Variants in ANKFY1 observed in about 807,000 individuals in gnomAD.
ANKFY1 encodes the protein ankyrin repeat and FYVE domain-containing protein 1.
ANKFY1 carries 47 observed loss-of-function variants against 128.3 expected under a neutral mutation model. The observed-to-expected ratio is 0.37, with a 90% CI of 0.29 to 0.47. The LOEUF (loss-of-function observed/expected upper bound fraction) is 0.47, where lower values mean the gene tolerates loss of function less well. Ranked by LOEUF, ANKFY1 falls within the 20% of genes least tolerant of loss-of-function variation. The pLI is 1.00. For synonymous variants in ANKFY1, 553 were observed against 601.6 expected, an observed-to-expected ratio of 0.92 and a Z score of 1.18; for missense variants, 1,222 against 1,510.6, an observed-to-expected ratio of 0.81 and a Z score of 3.17.
chr17:4,199,548 G>A (rs954699628), intron 7 of ANKFY1, among the ~76,000 whole-genome samples: 2 of 152,070 alleles, frequency 1.3e-5, no homozygotes, highest in Non-Finnish European at 2.9e-5. Context: ...ATGCTCTGTA[G>A]GAGTGAAAAA....
intron 5 of ANKFY1, 147 bp downstream of exon 5, chr17:4,209,677 A>T: frequency 1.1e-6 from 1 of 911,928 alleles, no homozygotes. Context: ...AGTCTCATAG[A>T]TCATCTAATC....
chr17:4,206,108 C>G (rs951085006), intron 7 of ANKFY1, among the ~76,000 whole-genome samples: 1 of 152,156 alleles, frequency 6.6e-6, no homozygotes, highest in African/African-American at 2.4e-5. Context: ...TTTCTGGGGC[C>G]CTGTTGGCAC....
rs187255841 is a variant in ANKFY1, at chr17:4,240,328, G to A, written c.203+1928C>T. Among the ~76,000 whole-genome samples the A allele has an allele frequency of 3.0e-4, 45 of 151,312 alleles. 1 individual carries two copies. In the South Asian group the frequency reaches 4.6e-3, roughly 15 times the overall value. On this transcript the variant is annotated intron_variant, in intron 2 of 24. Transcript: ENST00000341657. ...TGACCCGCCCGCCTTGGCCTCCTAA[G>A]TGCTGGGATTACAGGCGTAAGCCAC...
intron 16 of ANKFY1, among the ~76,000 whole-genome samples, chr17:4,180,851 C>T (rs905704101): frequency 2.6e-5 from 4 of 151,938 alleles, no homozygotes; most frequent in South Asian, 2.1e-4. Context: ...TGAATAACCT[C>T]GGCTCCCACA....
chr17:4,252,070 T>C (rs188310465), intron 1 of ANKFY1, among the ~76,000 whole-genome samples: 2 of 147,774 alleles, frequency 1.4e-5, no homozygotes, highest in African/African-American at 5.0e-5. Flanking sequence ...ATACAGATTA[T>C]ATTAAGAACT....
Position 4,181,296 on chromosome 17 carries a change from A to G in ANKFY1, c.2198T>C (p.Ile733Thr), listed in dbSNP as rs1371260565. 6.2e-7 allele frequency: 1 copy of G among 1,614,138 alleles called. No homozygotes were observed. Residue 733 changes from isoleucine (I) to threonine (T), a missense_variant, in exon 16 of 25, where the codon ATT becomes ACT. Coordinates refer to ENST00000341657, the MANE Select transcript of ANKFY1 (RefSeq NM_001330063.2). The surrounding 1 kb of genome is among the most constrained non-coding windows in gnomAD (Gnocchi z 4.9). ...GGCGGTGGGCTCGTTGTTTTCATCA[A>G]TGGCTCTGTGCAGGAGCGTCTGAAG... ...GCLQTLLHRAIDENNEPTACF... is the reference protein window; with the variant it reads ...GCLQTLLHRATDENNEPTACF...
At position 4,167,995 on chromosome 17, in the gene ANKFY1, C is replaced by G; in HGVS notation, c.3378-84G>C. 6.7e-7 allele frequency: 1 copy of G among 1,482,512 alleles called. No homozygotes were observed. The highest frequency in any genetic ancestry group is 9.1e-7 in the Non-Finnish European group (1 of 1,102,246). The allele number at this position is 1,482,512 out of a possible 1,614,324, so 91.8% of individuals were successfully genotyped here. On this transcript the variant is annotated intron_variant, in intron 24 of 24. Coordinates refer to ENST00000341657, the MANE Select transcript of ANKFY1 (RefSeq NM_001330063.2). The surrounding 1 kb of genome is among the most constrained non-coding windows in gnomAD (Gnocchi z 4.1). ...GCACGTGAGGACAACCGCAGCAGGG[C>G]CTGGCAGCCAAGGCGCCCGCAATGC...
At chr17:4,176,058 T>C (rs542749770) in intron 19 of ANKFY1, among the ~76,000 whole-genome samples, 1 of 152,310 alleles carries the variant, frequency 6.6e-6, no homozygotes, top group South Asian at 2.1e-4. Flanking sequence ...CCTCCTTGGC[T>C]GCTTCCCCCA....
rs542355065 is a variant in ANKFY1, at chr17:4,238,244, T to C, written c.204-2354A>G. Among the ~76,000 whole-genome samples, 177 of 151,218 alleles carry C rather than the reference T, an allele frequency of 1.2e-3. 2 individuals carry two copies. Among genetic ancestry groups the C allele is most frequent in the East Asian group, 4.3e-3 (22 of 5,120 alleles). On this transcript the variant is annotated intron_variant, in intron 2 of 24. Transcript: ENST00000341657. ...AAACCTACACATCAGTCATTCCGGCTACTAAGATGTACATAAAAATACTAT... is the reference window on the plus strand; with the variant it reads ...AAACCTACACATCAGTCATTCCGGCCACTAAGATGTACATAAAAATACTAT...
intron 19 of ANKFY1, among the ~76,000 whole-genome samples, chr17:4,176,417 T>TGAG (rs1301093107): frequency 6.6e-6 from 1 of 152,184 alleles, no homozygotes; most frequent in Non-Finnish European, 1.5e-5. Flanking sequence ...CTCTGGACCT[T>TGAG]GTTCTCTCAG....
rs191750187 is a variant in ANKFY1 at position 4,222,362 on chromosome 17, C to T, written c.323-5244G>A. The T allele has an allele frequency of 3.9e-6, 3 of 776,554 alleles. No homozygotes were observed. The Admixed American group carries it at 5.1e-5, about 13-fold the overall frequency. The allele number at this position is 776,554 out of a possible 1,614,324, so 48.1% of individuals were successfully genotyped here. A position where few individuals can be genotyped will look rare whatever the true frequency, so the allele number is the denominator to read the frequency against. ...ACAAATGACCTTATTATTCACTACG[C>T]TCTGTCCTTTAATCTGTTAGTACCC... On this transcript the variant is annotated intron_variant, in intron 3 of 24. Coordinates refer to ENST00000341657, the MANE Select transcript of ANKFY1 (RefSeq NM_001330063.2).
At chr17:4,224,502 A>G (rs1260069735) in intron 3 of ANKFY1, among the ~76,000 whole-genome samples, 5 of 152,108 alleles carry the variant, frequency 3.3e-5, no homozygotes, top group Non-Finnish European at 7.4e-5. Context: ...TCAAGATGCA[A>G]TACTTTTCTT....
rs911659530 is a variant in ANKFY1 at position 4,228,188 on chromosome 17, T to C, written c.322+7584A>G. ...TGAATAATTAAAACACAAAGCAACA[T>C]ACTAAGGTGTGGGGTGAATGTCAAA... On this transcript the variant is annotated intron_variant, in intron 3 of 24. Transcript: ENST00000341657. 2.6e-5 allele frequency among the ~76,000 whole-genome samples: 4 copies of C among 152,216 alleles called. No homozygotes were observed. The East Asian group carries it at 7.7e-4, about 29-fold the overall frequency.
intron 3 of ANKFY1, chr17:4,223,805 T>C (rs2060370907): frequency 2.7e-6 from 4 of 1,472,776 alleles, no homozygotes; most frequent in South Asian, 1.2e-5. Context: ...CACAGTTTCA[T>C]GCAGGCCTGG....
rs184536722 is a variant in ANKFY1 at position 4,236,055 on chromosome 17, T to A, written c.204-165A>T. Among the ~76,000 whole-genome samples, 19 of 152,336 alleles carry A rather than the reference T, an allele frequency of 1.2e-4. No individual in the cohort carries two copies. In the East Asian group the frequency reaches 3.7e-3, roughly 29 times the overall value. On this transcript the variant is annotated intron_variant, in intron 2 of 24. Transcript: ENST00000341657. ...TATGCTAGCACTGAATTCTGGTGAG[T>A]CATCTTTATAGTATGTTGCTAGAAA...
At chr17:4,198,128 T>TCA (rs759518789) in intron 7 of ANKFY1, among the ~76,000 whole-genome samples, 2 of 136,788 alleles carry the variant, frequency 1.5e-5, no homozygotes. Flanking sequence ...AAACTCCGTC[T>TCA]TAAAAAAAAA....
At chr17:4,205,559 G>A (rs1567942074) in intron 7 of ANKFY1, among the ~76,000 whole-genome samples, 1 of 152,056 alleles carries the variant, frequency 6.6e-6, no homozygotes, top group African/African-American at 2.4e-5. Flanking sequence ...TGGCTAACAC[G>A]GTGACACCCC....
chr17:4,221,270 G>A (rs530379394), intron 3 of ANKFY1, among the ~76,000 whole-genome samples: 6 of 152,046 alleles, frequency 3.9e-5, no homozygotes, highest in Non-Finnish European at 7.4e-5. Context: ...GGAGTACAAT[G>A]GTGCAATCAC....
chr17:4,247,845 T>C (rs751382366), intron 1 of ANKFY1, among the ~76,000 whole-genome samples: 9 of 152,198 alleles, frequency 5.9e-5, no homozygotes, highest in African/African-American at 1.9e-4. Flanking sequence ...TGCAAGGATG[T>C]TGTAAACACT....
Sources: allele counts gnomAD v4.1 joint callset (sites outside exome capture counted in the v4.1 genomes callset), GRCh38; gene constraint gnomAD v4.1.1; non-coding constraint Gnocchi (gnomAD v3.1); transcripts MANE v1.5; gene names NCBI Gene and HGNC (gene_info 2026-07-23, HGNC 2026-07-21).